TCEA3: variants seen among roughly 807,000 people sequenced by gnomAD.
TCEA3 encodes transcription elongation factor A protein 3.
Under a neutral mutation model 44.0 loss-of-function variants are expected in TCEA3, and 36 were observed. The observed-to-expected ratio is 0.82, with a 90% CI of 0.63 to 1.08. The LOEUF is 1.08. Ranked by LOEUF, TCEA3 falls within the 50% of genes least tolerant of loss-of-function variation. The pLI, the probability that TCEA3 is intolerant of heterozygous loss-of-function variation, is 0.00. For synonymous variants in TCEA3, 162 were observed against 159.7 expected (o/e 1.01, Z -0.11); for missense variants, 392 against 441.2 (o/e 0.89, Z 1.00).
intron 1 of TCEA3, 46 bp from the exon 2 acceptor site, chr1:23,419,185 G>A (rs753873057): frequency 6.9e-7 from 1 of 1,459,810 alleles, no homozygotes; most frequent in Non-Finnish European, 9.3e-7. Flanking sequence ...GTCCTGACCA[G>A]GCTTCTCTGA....
chr1:23,387,035 TAG>T (rs1052319082), intron 9 of TCEA3, among the ~76,000 whole-genome samples: 19 of 152,034 alleles, frequency 1.2e-4, no homozygotes, highest in African/African-American at 4.1e-4. Context: ...GTATTTTTAG[TAG>T]AGATGGGGTT....
intron 8 of TCEA3, among the ~76,000 whole-genome samples, chr1:23,393,000 G>C (rs539847437): frequency 6.6e-6 from 1 of 152,164 alleles, no homozygotes; most frequent in East Asian, 1.9e-4. Context: ...CCATAATGTA[G>C]AATTAGTGGG....
At chr1:23,414,187 G>A (rs982650669) in intron 4 of TCEA3, among the ~76,000 whole-genome samples, 4 of 150,238 alleles carry the variant, frequency 2.7e-5, no homozygotes, top group Admixed American at 6.6e-5. Flanking sequence ...CCTGGGTCCC[G>A]GTTCAAACAA....
Position 23,393,885 on chromosome 1 carries a change from C to T in TCEA3, c.813G>A (p.Thr271=), listed in dbSNP as rs755623111. The change falls in exon 8 of 11, where the codon ACG becomes ACA. Residue 271 remains threonine, a synonymous_variant. Transcript: ENST00000450454. ...AISAGLIAKM[T]AEEMASDELR... is the part of the protein sequence containing the mutation. The stretch of plus-strand genomic sequence containing the variant: ...GCAGATGCCCTGCTCTCACCTCTGC[C>T]GTCATCTTGGCTATAAGCCCTGCGG... 3.5e-5 allele frequency: 57 copies of T among 1,613,180 alleles called. No homozygotes were observed. The highest frequency in any genetic ancestry group is 2.8e-5 in the Non-Finnish European group (33 of 1,179,840).
chr1:23,386,525 A>G (rs1477497678), intron 9 of TCEA3, among the ~76,000 whole-genome samples: 1 of 151,856 alleles, frequency 6.6e-6, no homozygotes, highest in Non-Finnish European at 1.5e-5. Flanking sequence ...GGCGTGAGCC[A>G]CTGAGCTGGC....
intron 7 of TCEA3, among the ~76,000 whole-genome samples, chr1:23,394,410 T>G (rs1639156684): frequency 6.6e-6 from 1 of 152,116 alleles, no homozygotes; most frequent in African/African-American, 2.4e-5. Context: ...CGTGATGCAC[T>G]AGTGTGGTGT....
rs1638663742 is a variant in TCEA3 at position 23,381,152 on chromosome 1, C to T, written c.*314G>A. ...CTGGACTCAAACTTCTGGGGTTAAG[C>T]GATTCTCCCACCTCAGCCTCCCAGA... On this transcript the variant is annotated 3_prime_UTR_variant, in exon 11 of 11. Transcript: ENST00000450454. 1 of 341,302 alleles carries T rather than the reference C, an allele frequency of 2.9e-6. No individual in the cohort carries two copies. The highest frequency in any genetic ancestry group is 5.4e-6 in the Non-Finnish European group (1 of 186,580). 21.1% of individuals were successfully genotyped at this position (341,302 alleles called of 1,614,324 possible).
In TCEA3 at chr1:23,397,572, C is replaced by T. The variant is rs369565740; in HGVS notation, c.637G>A (p.Asp213Asn). 31 of 1,613,788 alleles carry T rather than the reference C, an allele frequency of 1.9e-5. No individual in the cohort carries two copies. In the African/African-American group the frequency reaches 2.8e-4, roughly 15 times the overall value. ...TCTTCGATTTCTGATGCCATCTTGTCACAGTTGACTCCATAGTCCTTGTAA... is the reference window on the plus strand; with the variant it reads ...TCTTCGATTTCTGATGCCATCTTGTTACAGTTGACTCCATAGTCCTTGTAA... ...DDYKDYGVNCDKMASEIEDHI... is the reference protein window; with the variant it reads ...DDYKDYGVNCNKMASEIEDHI... The change falls in exon 7 of 11, where the codon GAC becomes AAC. Residue 213 changes from aspartate (D) to asparagine (N), a missense_variant. Transcript: ENST00000450454.
At chr1:23,419,346 C>G (rs1639989096) in intron 1 of TCEA3, 2 of 387,346 alleles carry the variant, frequency 5.2e-6, no homozygotes, top group Non-Finnish European at 9.2e-6. Context: ...TGGGTTCAAA[C>G]CCTCTGAGCC....
At chr1:23,390,411 G>A (rs1311314112) in intron 8 of TCEA3, among the ~76,000 whole-genome samples, 1 of 152,196 alleles carries the variant, frequency 6.6e-6, no homozygotes, top group Non-Finnish European at 1.5e-5. Context: ...AACCTGGGAG[G>A]TGGAGGTTGC....
In TCEA3 at chr1:23,417,381, C is replaced by G. The variant is rs551039069; in HGVS notation, c.248G>C (p.Gly83Ala). 4 of 1,612,990 alleles carry G rather than the reference C, an allele frequency of 2.5e-6. No individual in the cohort carries two copies. In the East Asian group the frequency reaches 8.9e-5, roughly 36 times the overall value. Residue 83 changes from glycine to alanine, a missense_variant, in exon 4 of 11, where the codon GGA (glycine) becomes GCA (alanine). Gly to Ala is a moderately conservative substitution (Grantham distance 60). Coordinates refer to ENST00000450454, the MANE Select transcript of TCEA3 (RefSeq NM_003196.3). Reference protein sequence around the residue: ...KNWKRLLDSPGPPKGEKGEER... With the variant: ...KNWKRLLDSPAPPKGEKGEER... Reference sequence around the variant, plus strand: ...CTCTCCTTTTTCTCCTTTTGGGGGTCCAGGGGAGTCTGAAAACAAAAGGGT... The same window carrying G: ...CTCTCCTTTTTCTCCTTTTGGGGGTGCAGGGGAGTCTGAAAACAAAAGGGT...
rs1639140467 is a variant in TCEA3, at chr1:23,393,963, G to T, written c.735C>A (p.Leu245=). The change falls in exon 8 of 11, where the codon CTC becomes CTA. Residue 245 remains leucine (L), a synonymous_variant. Transcript: ENST00000450454. ...GCAGGCCGGGGTTCCTGGGGTCCTTGAGGTTGCTTATGCGGCTGCGCACGC... is the reference window on the plus strand; with the variant it reads ...GCAGGCCGGGGTTCCTGGGGTCCTTTAGGTTGCTTATGCGGCTGCGCACGC... ...RNRVRSRISN[L]KDPRNPGLRR... is the part of the protein sequence containing the mutation. 1 of 1,613,920 alleles carries T rather than the reference G, an allele frequency of 6.2e-7. No homozygotes were observed. The highest frequency in any genetic ancestry group is 1.3e-5 in the African/African-American group (1 of 74,952).
At chr1:23,381,528 G>A in intron 10 of TCEA3, 54 bp from the exon 11 acceptor site, 2 of 780,432 alleles carry the variant, frequency 2.6e-6, no homozygotes, top group Non-Finnish European at 4.8e-6. Context: ...ATCCTCCAAG[G>A]AGGCTGTGGG....
At position 23,399,092 on chromosome 1, in the gene TCEA3, G is replaced by A. The variant is rs575896858; in HGVS notation, c.444-1137C>T. ...CAACACCTATGCTATAATCTATGAT[G>A]TACTATCTAAGAATTATCTCATTCA... On this transcript the variant is annotated intron_variant, in intron 5 of 10. Transcript: ENST00000450454. Among the ~76,000 whole-genome samples the A allele has an allele frequency of 2.9e-5, 4 of 137,578 alleles. No homozygotes were observed. In the East Asian group the frequency reaches 8.4e-4, roughly 29 times the overall value. The allele number at this position is 137,578 out of a possible 152,430, so 90.3% of individuals were successfully genotyped here. A position where few individuals can be genotyped will look rare whatever the true frequency, so the allele number is the denominator to read the frequency against.
chr1:23,419,074 C>A lies in TCEA3; in HGVS notation c.132+3G>T. 6.3e-7 allele frequency: 1 copy of A among 1,579,372 alleles called. No homozygotes were observed. The highest frequency in any genetic ancestry group is 2.3e-5 in the East Asian group (1 of 43,036). ...GTCCCAAGGCTTCCCACCCCCGCCC[C>A]ACCTGTAGTAGCTGGATGGACATCT... is the stretch of plus-strand genomic sequence containing the variant. On this transcript the variant is annotated splice_donor_region_variant and intron_variant, in intron 2 of 10. Transcript: ENST00000450454.
chr1:23,395,824 T>C (rs1228152475), intron 7 of TCEA3, among the ~76,000 whole-genome samples: 1 of 129,402 alleles, frequency 7.7e-6, no homozygotes, highest in Non-Finnish European at 1.6e-5. Context: ...CAAGATTCCA[T>C]CTCAAAAAAA....
chr1:23,419,167 G>A (rs759446253), intron 1 of TCEA3, 28 bp from the exon 2 acceptor site: 2 of 1,564,482 alleles, frequency 1.3e-6, no homozygotes, highest in South Asian at 2.4e-5. Flanking sequence ...GTGAGGACTG[G>A]GGCCTGGGTC....
intron 5 of TCEA3, among the ~76,000 whole-genome samples, chr1:23,400,618 C>T (rs1293430539): frequency 6.6e-6 from 1 of 152,150 alleles, no homozygotes; most frequent in Non-Finnish European, 1.5e-5. Flanking sequence ...CTCTGCTCTT[C>T]TCACCTCCTT....
intron 7 of TCEA3, among the ~76,000 whole-genome samples, chr1:23,397,319 GGTT>G (rs1012412511): frequency 2.0e-5 from 3 of 152,136 alleles, no homozygotes; most frequent in African/African-American, 7.2e-5. Flanking sequence ...CCTACTGTGG[GGTT>G]GTTATCAACA....
Sources: allele counts gnomAD v4.1 joint callset (sites outside exome capture counted in the v4.1 genomes callset), GRCh38; gene constraint gnomAD v4.1.1; transcripts MANE v1.5; gene names NCBI Gene and HGNC (gene_info 2026-07-23, HGNC 2026-07-21).